SLC39A10: variants seen among roughly 807,000 people sequenced by gnomAD.
The protein encoded by SLC39A10 is zinc transporter ZIP10.
SLC39A10 carries 13 observed loss-of-function variants against 65.1 expected under a neutral mutation model. The ratio of observed to expected loss-of-function variants is 0.20; its 90% CI spans 0.13 to 0.32. SLC39A10 has a LOEUF of 0.32. Among genes scored for constraint, SLC39A10 ranks in the 10% least tolerant of loss-of-function variants. SLC39A10 has a pLI of 1.00. For missense variants in SLC39A10, 831 were observed against 1,018.4 expected (o/e 0.82, Z 2.50); for synonymous variants, 321 against 342.2 (o/e 0.94, Z 0.68).
rs113300338 is a variant in SLC39A10 at position 195,707,825 on chromosome 2, G to A, written c.1387-831G>A. Among the ~76,000 whole-genome samples, 398 of 152,136 alleles carry A rather than the reference G, an allele frequency of 2.6e-3. 1 individual carries two copies. Among genetic ancestry groups the A allele is most frequent in the African/African-American group, 9.4e-3 (392 of 41,538 alleles). On this transcript the variant is annotated intron_variant, in intron 4 of 9. Transcript: ENST00000359634. ...TGAGTGGTCTGATATCCTCTGAGAG[G>A]TTTAGATATCTCTTTGGTTGACCAC...
At position 195,625,219 on chromosome 2, in the gene SLC39A10, A is replaced by AG. The variant is rs201178708; in HGVS notation, c.-12+18986_-12+18987insG. Among the ~76,000 whole-genome samples, 280 of 115,812 alleles carry AG rather than the reference A, an allele frequency of 2.4e-3. 29 individuals are homozygous for AG. In the East Asian group the frequency reaches 0.048, roughly 20 times the overall value. The allele number at this position is 115,812 out of a possible 152,430, so 76.0% of individuals were successfully genotyped here. A position where few individuals can be genotyped will look rare whatever the true frequency, so the allele number is the denominator to read the frequency against. The stretch of plus-strand genomic sequence containing the variant: ...GCGACAGAGGGACACTCTGTCTCAA[A>AG]AAAAAAGAAAGAAAGAAAGAAAGAA... On this transcript the variant is annotated intron_variant, in intron 2 of 2. Transcript: ENST00000458054.
At chr2:195,660,174 A>G (rs962527034) in intron 1 of SLC39A10, among the ~76,000 whole-genome samples, 1 of 152,160 alleles carries the variant, frequency 6.6e-6, no homozygotes, top group African/African-American at 2.4e-5. Flanking sequence ...CTTAACCATT[A>G]TGGTTAGGCT....
At position 195,680,980 on chromosome 2, in the gene SLC39A10, C is replaced by T. The variant is rs1559031287; in HGVS notation, c.938C>T (p.Ala313Val). 2.5e-6 allele frequency: 4 copies of T among 1,613,860 alleles called. No individual in the cohort carries two copies. Among genetic ancestry groups the T allele is most frequent in the Non-Finnish European group, 3.4e-6 (4 of 1,179,932 alleles). The change falls in exon 2 of 10, where the codon GCA becomes GTA. Residue 313 changes from alanine to valine, a missense_variant. Coordinates refer to ENST00000359634, the MANE Select transcript of SLC39A10 (RefSeq NM_020342.3). ...GELRHTRKRE[A>V]PHVKNNAIIS... ...CTTCGACATACTAGAAAGAGAGAAG[C>T]ACCACATGTTAAAAATAATGCAATA...
chr2:195,660,170 C>G (rs780591964), intron 1 of SLC39A10, among the ~76,000 whole-genome samples: 8 of 152,044 alleles, frequency 5.3e-5, no homozygotes, highest in Non-Finnish European at 1.2e-4. Flanking sequence ...AAAACTTAAC[C>G]ATTATGGTTA....
intron 3 of SLC39A10, among the ~76,000 whole-genome samples, chr2:195,704,437 A>G (rs1436738193): frequency 2.0e-5 from 3 of 151,836 alleles, no homozygotes; most frequent in African/African-American, 4.8e-5. Context: ...TTTTATCTCT[A>G]TTTTTTTCTT....
At chr2:195,694,941 A>G (rs1444863487) in intron 3 of SLC39A10, among the ~76,000 whole-genome samples, 2 of 152,056 alleles carry the variant, frequency 1.3e-5, no homozygotes, top group Non-Finnish European at 2.9e-5. Context: ...GCAGGGTTTT[A>G]CTGAGTGAAA....
At chr2:195,699,724 ATG>A in intron 3 of SLC39A10, among the ~76,000 whole-genome samples, 1 of 152,172 alleles carries the variant, frequency 6.6e-6, no homozygotes, top group Admixed American at 6.5e-5. Flanking sequence ...AAAATGTTCC[ATG>A]TGCATTGATG....
intron 5 of SLC39A10, among the ~76,000 whole-genome samples, chr2:195,712,397 G>A (rs571337311): frequency 2.4e-4 from 37 of 152,358 alleles, no homozygotes; most frequent in South Asian, 1.2e-3. Flanking sequence ...ATACAGGGAG[G>A]AAGGAAATTG....
chr2:195,665,146 G>A (rs772345535), intron 1 of SLC39A10, among the ~76,000 whole-genome samples: 1 of 152,110 alleles, frequency 6.6e-6, no homozygotes, highest in Non-Finnish European at 1.5e-5. Context: ...CCAACATGGC[G>A]TCTCTATTAA....
intron 1 of SLC39A10, among the ~76,000 whole-genome samples, chr2:195,665,017 C>T (rs1018114855): frequency 1.3e-5 from 2 of 152,144 alleles, no homozygotes; most frequent in African/African-American, 2.4e-5. Flanking sequence ...ACCACCATCT[C>T]GACAAAAAAT....
intron 2 of SLC39A10, among the ~76,000 whole-genome samples, chr2:195,614,568 A>G (rs1053003780): frequency 6.6e-6 from 1 of 152,186 alleles, no homozygotes; most frequent in Non-Finnish European, 1.5e-5. Context: ...TATTGCTGGC[A>G]GAGATGTTTT....
At chr2:195,721,842 G>T (rs1015446744) in intron 8 of SLC39A10, among the ~76,000 whole-genome samples, 9 of 152,188 alleles carry the variant, frequency 5.9e-5, no homozygotes, top group Non-Finnish European at 1.0e-4. Context: ...TAAATGGAGT[G>T]TCAGGCTACT....
chr2:195,664,218 A>T (rs964650345), intron 1 of SLC39A10, among the ~76,000 whole-genome samples: 7 of 152,248 alleles, frequency 4.6e-5, no homozygotes, highest in Admixed American at 3.9e-4. Flanking sequence ...TTTTGCGTAA[A>T]CACAAGTACT....
intron 2 of SLC39A10, among the ~76,000 whole-genome samples, chr2:195,649,608 G>GT (rs1372002561): frequency 1.3e-5 from 2 of 152,160 alleles, no homozygotes; most frequent in African/African-American, 4.8e-5. Flanking sequence ...AATTTACGTG[G>GT]TAACTTATTG....
intron 8 of SLC39A10, among the ~76,000 whole-genome samples, chr2:195,720,484 G>A (rs1159097149): frequency 6.6e-6 from 1 of 152,164 alleles, no homozygotes; most frequent in Non-Finnish European, 1.5e-5. Context: ...ATTTCTTCAT[G>A]TGTTTTCTAA....
intron 3 of SLC39A10, among the ~76,000 whole-genome samples, chr2:195,705,680 T>A (rs1329755704): frequency 6.6e-6 from 1 of 152,206 alleles, no homozygotes; most frequent in African/African-American, 2.4e-5. Flanking sequence ...ATTAAAATCT[T>A]TATAAAATTA....
At chr2:195,644,411 G>A (rs963255326) in intron 2 of SLC39A10, among the ~76,000 whole-genome samples, 1 of 149,802 alleles carries the variant, frequency 6.7e-6, no homozygotes, top group African/African-American at 2.5e-5. Flanking sequence ...GCACGATCTC[G>A]GCTCACTGCA....
chr2:195,625,265 CT>C lies in SLC39A10; in HGVS notation c.-12+19039del, dbSNP rs1039207756. On this transcript the variant is annotated intron_variant, in intron 2 of 2. Coordinates refer to the SLC39A10 transcript ENST00000458054. ...AAGAAAGATTTAAAACTGTTGACAA[CT>C]TTTTTTCTTTTTTTTTCTTTTTTTT... Among the ~76,000 whole-genome samples, 9 of 131,408 alleles carry C rather than the reference CT, an allele frequency of 6.8e-5. No homozygotes were observed. In the East Asian group the frequency reaches 1.0e-3, roughly 15 times the overall value. 86.2% of individuals were successfully genotyped at this position (131,408 alleles called of 152,430 possible).
At chr2:195,650,524 A>G (rs527735400) in intron 2 of SLC39A10, among the ~76,000 whole-genome samples, 3 of 152,228 alleles carry the variant, frequency 2.0e-5, no homozygotes, top group Non-Finnish European at 4.4e-5. Context: ...TCTGTCTTCC[A>G]GGAGAGATGC....
Sources: allele counts gnomAD v4.1 joint callset (sites outside exome capture counted in the v4.1 genomes callset), GRCh38; gene constraint gnomAD v4.1.1; transcripts MANE v1.5; gene names NCBI Gene and HGNC (gene_info 2026-07-23, HGNC 2026-07-21).